FRMD3: variants seen among roughly 807,000 people sequenced by gnomAD.
FRMD3 encodes FERM domain-containing protein 3.
In FRMD3, 33 loss-of-function variants were observed where a neutral mutation model predicts 70.2. The observed-to-expected ratio is 0.47, with a 90% CI of 0.36 to 0.63. The LOEUF (loss-of-function observed/expected upper bound fraction) is 0.63. FRMD3 is among the 20% of genes least tolerant of loss of function. The pLI is 0.00. For missense variants in FRMD3, 632 were observed against 711.4 expected (o/e 0.89, Z 1.27); for synonymous variants, 279 against 255.9 (o/e 1.09, Z -0.86).
Position 83,538,070 on chromosome 9 carries a change from C to T in FRMD3, c.147+15G>A, listed in dbSNP as rs199668767. Reference sequence around the variant, plus strand: ...CCGGCGTGTGCCCCGCGCCCTCGCCCGGTTCCACGCGCACCTGGATGTGGC... The same window carrying T: ...CCGGCGTGTGCCCCGCGCCCTCGCCTGGTTCCACGCGCACCTGGATGTGGC... On this transcript the variant is annotated intron_variant, in intron 1 of 13. Coordinates refer to ENST00000304195, the MANE Select transcript of FRMD3 (RefSeq NM_174938.6). The surrounding 1 kb of genome is among the most constrained non-coding windows in gnomAD (Gnocchi z 4.7). 79 of 1,610,502 alleles carry T rather than the reference C, an allele frequency of 4.9e-5. No homozygotes were observed. The highest frequency in any genetic ancestry group is 6.4e-5 in the Non-Finnish European group (75 of 1,177,670).
chr9:83,522,854 C>T (rs1356822992), intron 1 of FRMD3, among the ~76,000 whole-genome samples: 2 of 152,090 alleles, frequency 1.3e-5, no homozygotes, highest in African/African-American at 2.4e-5. Flanking sequence ...TGAGCCACCG[C>T]GCCCAGCCCG....
intron 2 of FRMD3, among the ~76,000 whole-genome samples, chr9:83,378,758 A>G (rs1187185333): frequency 8.4e-6 from 1 of 119,536 alleles, no homozygotes; most frequent in South Asian, 2.2e-4. Flanking sequence ...TATAATATAT[A>G]ATTTATATTA....
At chr9:83,570,958 C>T in the FRMD3 span, among the ~76,000 whole-genome samples, 10 of 152,220 alleles carry the variant, frequency 6.6e-5, no homozygotes, top group African/African-American at 2.2e-4. Flanking sequence ...TCAAAAATGA[C>T]TCTGCTATGT....
At chr9:83,527,692 C>A (rs1829714151) in intron 1 of FRMD3, among the ~76,000 whole-genome samples, 1 of 152,140 alleles carries the variant, frequency 6.6e-6, no homozygotes, top group Non-Finnish European at 1.5e-5. Flanking sequence ...CACAGAAAAT[C>A]CACAGAAACA....
chr9:83,476,671 C>T (rs1363069252), intron 1 of FRMD3, among the ~76,000 whole-genome samples: 1 of 152,154 alleles, frequency 6.6e-6, no homozygotes, highest in African/African-American at 2.4e-5. Context: ...AAAGAAGGGT[C>T]AATAAACTAA....
At position 83,507,687 on chromosome 9, in the gene FRMD3, C is replaced by CACAT. The variant is rs1374507996; in HGVS notation, c.147+30397_147+30398insATGT. Among the ~76,000 whole-genome samples, 66 of 46,922 alleles carry CACAT rather than the reference C, an allele frequency of 1.4e-3. 5 individuals are homozygous for CACAT. Among genetic ancestry groups the CACAT allele is most frequent in the African/African-American group, 1.5e-3 (26 of 17,388 alleles). The allele number at this position is 46,922 out of a possible 152,430, so 30.8% of individuals were successfully genotyped here. ...TCCGTCTCAAACAAAAAAAAATATA[C>CACAT]ATACATATATATATATATATATATA... On this transcript the variant is annotated intron_variant, in intron 1 of 13. Coordinates refer to ENST00000304195, the MANE Select transcript of FRMD3 (RefSeq NM_174938.6).
intron 1 of FRMD3, among the ~76,000 whole-genome samples, chr9:83,403,486 G>A (rs1226985715): frequency 1.3e-5 from 2 of 152,122 alleles, no homozygotes; most frequent in African/African-American, 4.8e-5. Context: ...AGCTTGCCTA[G>A]GTAGGATCCT....
intron 12 of FRMD3, among the ~76,000 whole-genome samples, chr9:83,293,975 T>C (rs1387738749): frequency 6.6e-6 from 1 of 152,172 alleles, no homozygotes; most frequent in African/African-American, 2.4e-5. Flanking sequence ...TTTGACAGCC[T>C]GGGGGAAAGA....
At chr9:83,479,403 G>T (rs1234772349) in intron 1 of FRMD3, among the ~76,000 whole-genome samples, 1 of 132,296 alleles carries the variant, frequency 7.6e-6, no homozygotes, top group Non-Finnish European at 1.7e-5. Context: ...AAGAAAGGAG[G>T]GAGGGAGGGA....
chr9:83,508,291 A>G (rs1829251201), intron 1 of FRMD3, among the ~76,000 whole-genome samples: 1 of 152,222 alleles, frequency 6.6e-6, no homozygotes, highest in Non-Finnish European at 1.5e-5. Context: ...GAGGCATAAC[A>G]GGGACTGCCT....
At position 83,378,608 on chromosome 9, in the gene FRMD3, TTA is replaced by T. The variant is rs1046104552; in HGVS notation, c.253-5655_253-5654del. ...TATATATACAATATACATATAAAATTTATATATATTATACATAATTTATATAT... is the reference window on the plus strand; with the variant it reads ...TATATATACAATATACATATAAAATTTATATATTATACATAATTTATATAT... On this transcript the variant is annotated intron_variant, in intron 2 of 13. Coordinates refer to ENST00000304195, the MANE Select transcript of FRMD3 (RefSeq NM_174938.6). Among the ~76,000 whole-genome samples, 5 of 131,602 alleles carry T rather than the reference TTA, an allele frequency of 3.8e-5. No homozygotes were observed. The South Asian group carries it at 6.5e-4, about 17-fold the overall frequency. The allele number at this position is 131,602 out of a possible 152,430, so 86.3% of individuals were successfully genotyped here.
At chr9:83,298,998 G>T in intron 11 of FRMD3, 114 bp downstream of exon 11, 1 of 954,388 alleles carries the variant, frequency 1.0e-6, no homozygotes, top group Admixed American at 2.0e-5. Flanking sequence ...GAGTAGAAAT[G>T]GAAGACTCAA....
At chr9:83,441,828 A>C (rs1048122687) in intron 1 of FRMD3, among the ~76,000 whole-genome samples, 4 of 152,054 alleles carry the variant, frequency 2.6e-5, no homozygotes, top group East Asian at 1.9e-4. Context: ...TCCTGCCTTT[A>C]CATACAAACA....
chr9:83,281,111 A>AGAC lies in FRMD3; in HGVS notation c.1195+9489_1195+9491dup, dbSNP rs1257920515. Among the ~76,000 whole-genome samples the AGAC allele has an allele frequency of 2.0e-5, 3 of 152,182 alleles. No individual in the cohort carries two copies. In the East Asian group the frequency reaches 5.8e-4, roughly 29 times the overall value. On this transcript the variant is annotated intron_variant, in intron 13 of 13. Coordinates refer to ENST00000304195, the MANE Select transcript of FRMD3 (RefSeq NM_174938.6). Reference sequence around the variant, plus strand: ...GCACTGGATCTTAAGAGAAGGGAGGAGACGGAGGGAGAGGCTCTGAGATCC... The same window carrying AGAC: ...GCACTGGATCTTAAGAGAAGGGAGGAGACGACGGAGGGAGAGGCTCTGAGATCC...
chr9:83,531,628 A>G (rs1323268332), intron 1 of FRMD3, among the ~76,000 whole-genome samples: 1 of 152,240 alleles, frequency 6.6e-6, no homozygotes, highest in Non-Finnish European at 1.5e-5. Context: ...TTACTAGCAG[A>G]AAACTGTGGC....
At chr9:83,355,639 C>T (rs1386145114) in intron 3 of FRMD3, among the ~76,000 whole-genome samples, 2 of 152,166 alleles carry the variant, frequency 1.3e-5, no homozygotes, top group South Asian at 2.1e-4. Context: ...ATCCAAATGG[C>T]TCCTGGAACG....
At chr9:83,491,464 A>C (rs1828823287) in intron 1 of FRMD3, among the ~76,000 whole-genome samples, 1 of 152,144 alleles carries the variant, frequency 6.6e-6, no homozygotes, top group Non-Finnish European at 1.5e-5. Flanking sequence ...GCTGTGCCCT[A>C]CCTGAGTAAT....
intron 1 of FRMD3, among the ~76,000 whole-genome samples, chr9:83,528,961 G>A (rs1829740280): frequency 6.6e-6 from 1 of 152,118 alleles, no homozygotes; most frequent in Non-Finnish European, 1.5e-5. Context: ...TAAACCCACT[G>A]TACATTAATG....
intron 12 of FRMD3, among the ~76,000 whole-genome samples, chr9:83,297,233 G>A (rs1421426508): frequency 2.6e-5 from 4 of 152,168 alleles, no homozygotes; most frequent in Non-Finnish European, 5.9e-5. Context: ...CTCAGCATCA[G>A]GTATTTAAGA....
Sources: allele counts gnomAD v4.1 joint callset (sites outside exome capture counted in the v4.1 genomes callset), GRCh38; gene constraint gnomAD v4.1.1; non-coding constraint Gnocchi (gnomAD v3.1); transcripts MANE v1.5; gene names NCBI Gene and HGNC (gene_info 2026-07-23, HGNC 2026-07-21).